The following ARVCF variants were observed in gnomAD, a reference collection of about 807,000 sequenced individuals.
ARVCF encodes ARVCF delta catenin family member, also known as splicing regulator ARVCF.
ARVCF carries 66 observed loss-of-function variants against 90.9 expected under a neutral mutation model. The ratio of observed to expected loss-of-function variants is 0.73; its 90% confidence interval spans 0.60 to 0.89. ARVCF has a LOEUF of 0.89. Among genes scored for constraint, ARVCF ranks in the 40% least tolerant of loss-of-function variants. ARVCF has a pLI of 0.00. For synonymous variants in ARVCF, 653 were observed against 603.4 expected (o/e 1.08, Z -1.21); for missense variants, 1,469 against 1,382.3 (o/e 1.06, Z -1.00).
chr22:19,973,852 G>A (rs1395804820), intron 12 of ARVCF, 59 bp from the exon 13 acceptor site: 2 of 1,559,298 alleles, frequency 1.3e-6, no homozygotes, highest in East Asian at 4.5e-5. Flanking sequence ...CCCACCTCCA[G>A]ACGCTGACCG....
Position 19,978,044 on chromosome 22 carries a change from G to T in ARVCF, c.1612C>A (p.Arg538=). Residue 538 remains arginine (R), a synonymous_variant, in exon 8 of 20, where the codon CGG becomes AGG. Coordinates refer to ENST00000263207, the MANE Select transcript of ARVCF (RefSeq NM_001670.3). ...NVSSDGAEAR[R]RLRECEGLVD... is the part of the protein sequence containing the mutation. ...AGCCCTTCACACTCCCGGAGTCGCCGCCGGGCCTCAGCACCATCGGAGCTC... is the reference window on the plus strand; with the variant it reads ...AGCCCTTCACACTCCCGGAGTCGCCTCCGGGCCTCAGCACCATCGGAGCTC... 1 of 1,610,968 alleles carries T rather than the reference G, an allele frequency of 6.2e-7. No homozygotes were observed. Among genetic ancestry groups the T allele is most frequent in the Non-Finnish European group, 8.5e-7 (1 of 1,179,038 alleles).
chr22:19,985,279 C>G (rs1943706394), intron 3 of ARVCF, among the ~76,000 whole-genome samples: 1 of 152,224 alleles, frequency 6.6e-6, no homozygotes, highest in Admixed American at 6.5e-5. Flanking sequence ...AGCACTCATC[C>G]CTCCCTTGGC....
In ARVCF at chr22:19,973,027, T is replaced by A; in HGVS notation, c.2448A>T (p.Val816=). The change falls in exon 15 of 20, where the codon GTA becomes GTT. Residue 816 remains valine, a synonymous_variant. Transcript: ENST00000263207. ...LVALVASSQS[V]REAKAASHVL... is the part of the protein sequence containing the mutation. ...CGTGTGACGCCGCCTTCGCTTCGCG[T>A]ACCGATTGGCTGTGGGGCCGGGGGC... 1 of 1,611,538 alleles carries A rather than the reference T, an allele frequency of 6.2e-7. No homozygotes were observed. The highest frequency in any genetic ancestry group is 1.3e-5 in the African/African-American group (1 of 74,956).
At position 19,990,512 on chromosome 22, in the gene ARVCF, G is replaced by T. The variant is rs566305626; in HGVS notation, c.210+73C>A. On this transcript the variant is annotated intron_variant, in intron 3 of 19. Coordinates refer to ENST00000263207, the MANE Select transcript of ARVCF (RefSeq NM_001670.3). Reference sequence around the variant, plus strand: ...GCAATAAGCGAGCGCATGCTGGCTTGTGGTCCACCAGGACCCACTGATTGT... The same window carrying T: ...GCAATAAGCGAGCGCATGCTGGCTTTTGGTCCACCAGGACCCACTGATTGT... 3.0e-5 allele frequency: 45 copies of T among 1,486,642 alleles called. No individual in the cohort carries two copies. The East Asian group carries it at 9.6e-4, about 32-fold the overall frequency. The allele number at this position is 1,486,642 out of a possible 1,614,324, so 92.1% of individuals were successfully genotyped here.
Position 19,981,300 on chromosome 22 carries a change from G to C in ARVCF, c.807C>G (p.Ala269=). 1 of 1,593,306 alleles carries C rather than the reference G, an allele frequency of 6.3e-7. No individual in the cohort carries two copies. The highest frequency in any genetic ancestry group is 1.7e-4 in the Middle Eastern group (1 of 6,038). Residue 269 remains alanine, a synonymous_variant, in exon 5 of 20, where the codon GCC becomes GCG. Transcript: ENST00000263207. ...YGLEDDTRSL[A]ADDEGGPELE... Reference sequence around the variant, plus strand: ...GCTCAGGGCCACCCTCGTCATCAGCGGCCAGGCTGCGCGTGTCATCCTCCA... The same window carrying C: ...GCTCAGGGCCACCCTCGTCATCAGCCGCCAGGCTGCGCGTGTCATCCTCCA...
rs201089326 is a variant in ARVCF at position 19,973,019 on chromosome 22, G to C, written c.2456C>G (p.Ala819Gly). 1.2e-5 allele frequency: 19 copies of C among 1,613,198 alleles called. No individual in the cohort carries two copies. In the African/African-American group the frequency reaches 2.5e-4, roughly 21 times the overall value. Reference sequence around the variant, plus strand: ...CTGCAGCACGTGTGACGCCGCCTTCGCTTCGCGTACCGATTGGCTGTGGGG... The same window carrying C: ...CTGCAGCACGTGTGACGCCGCCTTCCCTTCGCGTACCGATTGGCTGTGGGG... The part of the protein sequence containing the change: ...LVASSQSVRE[A>G]KAASHVLQTV... Residue 819 changes from alanine (A) to glycine (G), a missense_variant, in exon 15 of 20, where the codon GCG becomes GGG. Physicochemically the swap from Ala to Gly is moderately conservative, Grantham distance 60 (BLOSUM62 0). Transcript: ENST00000263207.
At chr22:19,987,034 C>T (rs757976872) in intron 3 of ARVCF, 21 of 652,620 alleles carry the variant, frequency 3.2e-5, no homozygotes, top group South Asian at 3.1e-4. Context: ...CTGCCTCCGA[C>T]CCCGGGCCAG....
rs1177078043 is a variant in ARVCF, at chr22:19,978,001, T to C, written c.1655A>G (p.His552Arg). ...CCGGCCCACAGCCGACTGCAGGGCA[T>C]GCAGGAGCGCGTCCACCAGCCCTTC... ...ECEGLVDALLHALQSAVGRKD... is the reference protein window; with the variant it reads ...ECEGLVDALLRALQSAVGRKD... Residue 552 changes from histidine (H) to arginine (R), a missense_variant, in exon 8 of 20, where the codon CAT (histidine) becomes CGT (arginine). Transcript: ENST00000263207. 2.5e-6 allele frequency: 4 copies of C among 1,611,876 alleles called. No homozygotes were observed. Among genetic ancestry groups the C allele is most frequent in the African/African-American group, 1.3e-5 (1 of 74,856 alleles).
rs555787907 is a variant in ARVCF at position 20,006,393 on chromosome 22, T to C, written c.-19+4062A>G. ...GAGATCGAGACCATCCTGGCTAACA[T>C]GGTGAAACCCCGTCTCTACTAAAAG... On this transcript the variant is annotated intron_variant, in intron 2 of 19. Coordinates refer to ENST00000263207, the MANE Select transcript of ARVCF (RefSeq NM_001670.3). Among the ~76,000 whole-genome samples, 130 of 151,680 alleles carry C rather than the reference T, an allele frequency of 8.6e-4. 1 individual carries two copies. Among genetic ancestry groups the C allele is most frequent in the South Asian group, 3.1e-3 (15 of 4,794 alleles).
intron 5 of ARVCF, 64 bp downstream of exon 5, chr22:19,981,147 T>G: frequency 6.9e-7 from 1 of 1,451,702 alleles, no homozygotes; most frequent in Non-Finnish European, 9.1e-7. Context: ...GGGCACTCTG[T>G]AGTTGGGGGG....
intron 12 of ARVCF, 108 bp from the exon 13 acceptor site, chr22:19,973,901 A>T: frequency 1.3e-6 from 2 of 1,506,694 alleles, no homozygotes; most frequent in South Asian, 1.3e-5. Context: ...GTGCCCGACA[A>T]AGCCCTACCC....
Position 19,978,890 on chromosome 22 carries a change from T to C in ARVCF, c.1580+7A>G. 3 of 1,607,032 alleles carry C rather than the reference T, an allele frequency of 1.9e-6. No homozygotes were observed. The highest frequency in any genetic ancestry group is 2.6e-6 in the Non-Finnish European group (3 of 1,175,880). On this transcript the variant is annotated splice_region_variant and intron_variant, in intron 7 of 19. Transcript: ENST00000263207. ...ATGTGGGCTTTAGCACCAGGTCTGGTCCACACCTCAGGCAGCCCGACGTGT... is the reference window on the plus strand; with the variant it reads ...ATGTGGGCTTTAGCACCAGGTCTGGCCCACACCTCAGGCAGCCCGACGTGT...
downstream of ARVCF, chr22:19,968,682 G>A: frequency 1.9e-6 from 3 of 1,613,890 alleles, no homozygotes; most frequent in Non-Finnish European, 2.5e-6. Flanking sequence ...GGGAGGTGGT[G>A]GACGGCCTGG....
intron 1 of ARVCF, among the ~76,000 whole-genome samples, chr22:20,013,526 G>A (rs527928872): frequency 6.6e-6 from 1 of 152,344 alleles, no homozygotes; most frequent in South Asian, 2.1e-4. Flanking sequence ...GGTGTCTGGG[G>A]AAGGGTCCTG....
chr22:19,970,171 C>T lies in ARVCF; in HGVS notation c.*585G>A, dbSNP rs1160730064. 3 of 987,842 alleles carry T rather than the reference C, an allele frequency of 3.0e-6. No individual in the cohort carries two copies. Among genetic ancestry groups the T allele is most frequent in the Non-Finnish European group, 3.6e-6 (3 of 831,522 alleles). The allele number at this position is 987,842 out of a possible 1,614,324, so 61.2% of individuals were successfully genotyped here. On this transcript the variant is annotated 3_prime_UTR_variant, in exon 20 of 20. Transcript: ENST00000263207. ...AGGGGCCTCACGTGACTGCAGGGCT[C>T]TGGGGAGGTGGGGCACCTGTAGCCT...
chr22:19,988,577 G>A (rs1025037556), intron 3 of ARVCF, among the ~76,000 whole-genome samples: 3 of 152,254 alleles, frequency 2.0e-5, no homozygotes, highest in African/African-American at 7.2e-5. Context: ...GGACCCTGGA[G>A]CAGCCCAGTG....
intron 3 of ARVCF, among the ~76,000 whole-genome samples, chr22:19,988,365 C>T (rs1421686193): frequency 2.0e-5 from 3 of 152,388 alleles, no homozygotes; most frequent in Admixed American, 6.5e-5. Context: ...GCGCCAAAAA[C>T]GCGCCCGCAT....
At chr22:19,975,615 A>C in intron 11 of ARVCF, 71 bp downstream of exon 11, 1 of 1,574,940 alleles carries the variant, frequency 6.3e-7, no homozygotes, top group Non-Finnish European at 8.7e-7. Flanking sequence ...GATGGCTCAA[A>C]GCTTCACTAC....
chr22:20,004,498 A>G (rs1203479029), intron 2 of ARVCF, among the ~76,000 whole-genome samples: 1 of 152,014 alleles, frequency 6.6e-6, no homozygotes. Flanking sequence ...AAAAAAAAAG[A>G]AAAGAAAAAA....
Sources: gnomAD v4.1 joint callset for allele counts (sites outside exome capture counted in the v4.1 genomes callset) on GRCh38, gnomAD v4.1.1 for gene constraint, MANE v1.5 for transcripts, NCBI Gene and HGNC (gene_info 2026-07-23, HGNC 2026-07-21) for gene names.